SLC35A3: variants seen among roughly 807,000 people sequenced by gnomAD.
SLC35A3 encodes UDP-N-acetylglucosamine transporter.
SLC35A3 carries 26 observed loss-of-function variants against 39.0 expected under a neutral mutation model. That is an observed-to-expected ratio of 0.67 (90% CI 0.49 to 0.92). The LOEUF (loss-of-function observed/expected upper bound fraction) is 0.92, where lower values mean the gene tolerates loss of function less well. Among genes scored for constraint, SLC35A3 ranks in the 40% least tolerant of loss-of-function variants. The pLI, the probability that SLC35A3 is intolerant of heterozygous loss-of-function variation, is 0.00. For missense variants in SLC35A3, 299 were observed against 371.6 expected (o/e 0.80, Z 1.61); for synonymous variants, 135 against 133.1 (o/e 1.01, Z -0.10).
At chr1:99,980,014 A>G (rs1486217673) in intron 1 of SLC35A3, among the ~76,000 whole-genome samples, 1 of 151,970 alleles carries the variant, frequency 6.6e-6, no homozygotes, top group Admixed American at 6.5e-5. Context: ...ATTGTACTCC[A>G]GCCTGGGCAA....
rs116609104 is a variant in SLC35A3, at chr1:100,017,361, C to T, written c.754-321C>T. Among the ~76,000 whole-genome samples, 2,038 of 152,204 alleles carry T rather than the reference C, an allele frequency of 0.013. 18 individuals carry two copies. The highest frequency in any genetic ancestry group is 0.058 in the Middle Eastern group (17 of 294). ...ATTTCACTATTTAAAGTGACCAGTC[C>T]TCTTACATTTGTCCAAACAAGTGAT... On this transcript the variant is annotated intron_variant, in intron 6 of 7. Transcript: ENST00000533028.
At chr1:100,006,750 C>T (rs1451196277) in intron 3 of SLC35A3, among the ~76,000 whole-genome samples, 2 of 152,178 alleles carry the variant, frequency 1.3e-5, no homozygotes, top group Non-Finnish European at 2.9e-5. Flanking sequence ...GCAAGAGTGG[C>T]AGTGGCTGTG....
intron 1 of SLC35A3, among the ~76,000 whole-genome samples, chr1:99,972,330 A>ATTT (rs1656862512): frequency 7.4e-6 from 1 of 136,044 alleles, no homozygotes; most frequent in African/African-American, 3.0e-5. Flanking sequence ...TGTACTTACT[A>ATTT]CTTTTTTTTT....
intron 1 of SLC35A3, among the ~76,000 whole-genome samples, chr1:99,983,462 C>T (rs1390610984): frequency 1.3e-5 from 2 of 151,222 alleles, no homozygotes; most frequent in Non-Finnish European, 2.9e-5. Context: ...TCTCTTGAAA[C>T]CGGGAGGCAG....
chr1:100,032,130 G>A lies in SLC35A3; in HGVS notation c.*9654G>A, dbSNP rs141057298. The A allele has an allele frequency of 3.9e-5, 6 of 152,240 alleles. No homozygotes were observed. The East Asian group carries it at 1.2e-3, about 29-fold the overall frequency. The allele number at this position is 152,240 out of a possible 1,614,324, so 9.4% of individuals were successfully genotyped here. A position where few individuals can be genotyped will look rare whatever the true frequency, so the allele number is the denominator to read the frequency against. ...TTAATGTTGGTAATTATTTGGTTAAGATGATGACTACCCCATTGTAAAGGT... is the reference window on the plus strand; with the variant it reads ...TTAATGTTGGTAATTATTTGGTTAAAATGATGACTACCCCATTGTAAAGGT... On this transcript the variant is annotated 3_prime_UTR_variant, in exon 8 of 8. Transcript: ENST00000533028.
intron 1 of SLC35A3, among the ~76,000 whole-genome samples, chr1:99,990,988 C>G (rs1344024108): frequency 2.0e-5 from 3 of 152,198 alleles, no homozygotes; most frequent in African/African-American, 7.2e-5. Context: ...TCTTGGACTT[C>G]CAGCCTGCAG....
intron 1 of SLC35A3, 34 bp from the exon 2 acceptor site, chr1:99,993,503 C>A: frequency 6.4e-7 from 1 of 1,572,702 alleles, no homozygotes; most frequent in Non-Finnish European, 8.7e-7. Context: ...ATGTTGTAAT[C>A]TTATTTATTT....
rs967732534 is a variant in SLC35A3 at position 100,027,472 on chromosome 1, T to C, written c.*4996T>C. The C allele has an allele frequency of 1.9e-5, 6 of 319,770 alleles. No individual in the cohort carries two copies. The highest frequency in any genetic ancestry group is 1.3e-4 in the African/African-American group (6 of 46,952). 19.8% of individuals were successfully genotyped at this position (319,770 alleles called of 1,614,324 possible). On this transcript the variant is annotated 3_prime_UTR_variant, in exon 8 of 8. Transcript: ENST00000533028. ...CTCAAAAAACAAACAAAACAAAAACTGAAACAACAAAAAAAGACTGGGTTT... is the reference window on the plus strand; with the variant it reads ...CTCAAAAAACAAACAAAACAAAAACCGAAACAACAAAAAAAGACTGGGTTT...
chr1:100,004,704 T>A (rs540082024), intron 3 of SLC35A3, among the ~76,000 whole-genome samples: 110 of 151,968 alleles, frequency 7.2e-4, no homozygotes, highest in East Asian at 3.7e-3. Flanking sequence ...TTTTTTAATT[T>A]AAAAAAAATT....
At chr1:100,020,143 T>C (rs1660435372) in intron 7 of SLC35A3, among the ~76,000 whole-genome samples, 1 of 152,164 alleles carries the variant, frequency 6.6e-6, no homozygotes, top group Non-Finnish European at 1.5e-5. Context: ...ATAATTCTGT[T>C]AGAGGGGGCT....
intron 1 of SLC35A3, among the ~76,000 whole-genome samples, chr1:99,979,663 C>G (rs1433031421): frequency 1.3e-5 from 2 of 151,356 alleles, no homozygotes; most frequent in African/African-American, 4.8e-5. Flanking sequence ...TCGATCTCCT[C>G]TATCTCGTGA....
At position 100,030,414 on chromosome 1, in the gene SLC35A3, C is replaced by T. The variant is rs967065797; in HGVS notation, c.*7938C>T. On this transcript the variant is annotated 3_prime_UTR_variant, in exon 8 of 8. Coordinates refer to ENST00000533028, the MANE Select transcript of SLC35A3 (RefSeq NM_012243.3). The stretch of plus-strand genomic sequence containing the variant: ...GCGCGGCCTGCAGGCTGCATGCAGC[C>T]CAGGATGGCTTTGAATGTGGCTCAA... The T allele has an allele frequency of 5.3e-5, 8 of 152,052 alleles. No homozygotes were observed. Among genetic ancestry groups the T allele is most frequent in the African/African-American group, 1.9e-4 (8 of 41,382 alleles). 9.4% of individuals were successfully genotyped at this position (152,052 alleles called of 1,614,324 possible).
At chr1:99,991,331 A>G (rs1333240088) in intron 1 of SLC35A3, among the ~76,000 whole-genome samples, 3 of 152,110 alleles carry the variant, frequency 2.0e-5, no homozygotes, top group East Asian at 1.9e-4. Flanking sequence ...TTTTTAGTAG[A>G]GACGGGCTTT....
In SLC35A3 at chr1:100,032,349, A is replaced by C. The variant is rs920497652; in HGVS notation, c.*9873A>C. The C allele has an allele frequency of 2.6e-5, 4 of 151,944 alleles. No individual in the cohort carries two copies. The highest frequency in any genetic ancestry group is 5.9e-5 in the Non-Finnish European group (4 of 67,998). 9.4% of individuals were successfully genotyped at this position (151,944 alleles called of 1,614,324 possible). ...TTTTAGTGCTCTAAATTTCTTCTAC[A>C]TTTATTAGTTTATATTCTTTTTTAA... On this transcript the variant is annotated 3_prime_UTR_variant, in exon 8 of 8. Coordinates refer to ENST00000533028, the MANE Select transcript of SLC35A3 (RefSeq NM_012243.3).
At chr1:99,977,183 CTTTA>C (rs1442982014) in intron 1 of SLC35A3, among the ~76,000 whole-genome samples, 1 of 151,858 alleles carries the variant, frequency 6.6e-6, no homozygotes, top group Non-Finnish European at 1.5e-5. Flanking sequence ...CCCTTCTATG[CTTTA>C]TTTATTTAAG....
At chr1:99,980,393 G>A (rs1312181183) in intron 1 of SLC35A3, among the ~76,000 whole-genome samples, 1 of 152,142 alleles carries the variant, frequency 6.6e-6, no homozygotes, top group Non-Finnish European at 1.5e-5. Context: ...ACCACACATT[G>A]AAAGGAGATC....
intron 1 of SLC35A3, chr1:99,970,467 C>A: frequency 9.1e-7 from 1 of 1,100,484 alleles, no homozygotes; most frequent in Non-Finnish European, 1.3e-6. Flanking sequence ...TGTGCCTCAG[C>A]GCCTGGTGCG....
chr1:100,022,369 G>A lies in SLC35A3; in HGVS notation c.888-17G>A. ...AATCTGATTTTCTCTTTTTTATTTT[G>A]TCTTCATCTTATTCAGTGTCTTTTT... On this transcript the variant is annotated splice_polypyrimidine_tract_variant and intron_variant, in intron 7 of 7. Coordinates refer to ENST00000533028, the MANE Select transcript of SLC35A3 (RefSeq NM_012243.3). 7.6e-7 allele frequency: 1 copy of A among 1,324,000 alleles called. No homozygotes were observed. Among genetic ancestry groups the A allele is most frequent in the East Asian group, 2.3e-5 (1 of 42,664 alleles). The allele number at this position is 1,324,000 out of a possible 1,614,324, so 82.0% of individuals were successfully genotyped here.
intron 6 of SLC35A3, among the ~76,000 whole-genome samples, chr1:100,016,155 C>T (rs1466449473): frequency 6.6e-6 from 1 of 150,646 alleles, no homozygotes; most frequent in East Asian, 1.9e-4. Context: ...ATCTCCACCT[C>T]CCAGGTTCAA....
Sources: gnomAD v4.1 joint callset for allele counts (sites outside exome capture counted in the v4.1 genomes callset) on GRCh38, gnomAD v4.1.1 for gene constraint, MANE v1.5 for transcripts, NCBI Gene and HGNC (gene_info 2026-07-23, HGNC 2026-07-21) for gene names.